EHD4: variants seen among roughly 807,000 people sequenced by gnomAD.
The protein encoded by EHD4 is EH domain-containing protein 4.
In EHD4, 37 loss-of-function variants were observed where a neutral mutation model predicts 51.0. That is an observed-to-expected ratio of 0.73 (90% CI 0.56 to 0.95). The LOEUF is 0.95. Among genes scored for constraint, EHD4 ranks in the 40% least tolerant of loss-of-function variants. The pLI, the probability that EHD4 is intolerant of heterozygous loss-of-function variation, is 0.00. For missense variants in EHD4, 632 were observed against 733.1 expected, an observed-to-expected ratio of 0.86 and a Z score of 1.59; for synonymous variants, 297 against 317.3, an observed-to-expected ratio of 0.94 and a Z score of 0.68.
At position 41,954,011 on chromosome 15, in the gene EHD4, A is replaced by G. The variant is rs946789016; in HGVS notation, c.237-71T>C. 15 of 1,524,490 alleles carry G rather than the reference A, an allele frequency of 9.8e-6. No homozygotes were observed. In the African/African-American group the frequency reaches 1.8e-4, roughly 19 times the overall value. The allele number at this position is 1,524,490 out of a possible 1,614,324, so 94.4% of individuals were successfully genotyped here. A position where few individuals can be genotyped will look rare whatever the true frequency, so the allele number is the denominator to read the frequency against. On this transcript the variant is annotated intron_variant, in intron 1 of 5. Transcript: ENST00000220325. The stretch of plus-strand genomic sequence containing the variant: ...GTAAGAGGCCAGAAAGCTGCCTGGG[A>G]TTACCAATTTTTTTACATAATCATT...
At chr15:41,957,255 AG>A (rs774243314) in intron 1 of EHD4, among the ~76,000 whole-genome samples, 1 of 152,152 alleles carries the variant, frequency 6.6e-6, no homozygotes, top group African/African-American at 2.4e-5. Context: ...GCTTGAGCCC[AG>A]GGAGGTTGAA....
intron 2 of EHD4, among the ~76,000 whole-genome samples, chr15:41,948,660 C>T (rs530462766): frequency 6.6e-6 from 1 of 152,270 alleles, no homozygotes; most frequent in South Asian, 2.1e-4. Context: ...GGAAGCCGCA[C>T]GTGCTTGGAC....
chr15:41,952,714 G>T (rs1363973373), intron 2 of EHD4, among the ~76,000 whole-genome samples: 2 of 152,154 alleles, frequency 1.3e-5, no homozygotes, highest in Non-Finnish European at 2.9e-5. Flanking sequence ...CGTAGGCTGG[G>T]TGTGGTGGCT....
chr15:41,968,946 C>T (rs1031527829), intron 1 of EHD4, among the ~76,000 whole-genome samples: 3 of 152,184 alleles, frequency 2.0e-5, no homozygotes, highest in Non-Finnish European at 4.4e-5. Context: ...TTCTCTATTT[C>T]GTTTGCATGC....
At chr15:41,969,314 A>C (rs768799921) in intron 1 of EHD4, among the ~76,000 whole-genome samples, 11 of 152,232 alleles carry the variant, frequency 7.2e-5, no homozygotes, top group Admixed American at 1.3e-4. Flanking sequence ...TGGGAGGCCA[A>C]GGCGGGCAAA....
At chr15:41,952,391 C>T (rs1336862639) in intron 2 of EHD4, among the ~76,000 whole-genome samples, 1 of 152,134 alleles carries the variant, frequency 6.6e-6, no homozygotes, top group African/African-American at 2.4e-5. Flanking sequence ...AAATCAGCCA[C>T]ACGAAAGCTA....
intron 1 of EHD4, among the ~76,000 whole-genome samples, chr15:41,963,191 A>G (rs1414221923): frequency 6.6e-6 from 1 of 152,008 alleles, no homozygotes; most frequent in African/African-American, 2.4e-5. Context: ...GGAAAACCAG[A>G]GACCCTTGTT....
At chr15:41,914,180 T>C (rs1448044641) in intron 4 of EHD4, among the ~76,000 whole-genome samples, 1 of 151,964 alleles carries the variant, frequency 6.6e-6, no homozygotes, top group Admixed American at 6.6e-5. Flanking sequence ...AAAAGCTTCA[T>C]GGAATGTGAG....
intron 2 of EHD4, among the ~76,000 whole-genome samples, chr15:41,944,092 G>A (rs1351217536): frequency 6.6e-6 from 1 of 152,206 alleles, no homozygotes; most frequent in East Asian, 1.9e-4. Context: ...CTAGCCTGTG[G>A]GTCAGCAGAC....
chr15:41,899,504 AG>A lies in EHD4; in HGVS notation c.*1140del, dbSNP rs2067461696. ...TCTGTATAAAGGCTTTTATCCTGTAAGGAAAAAAAAAAAACACAAAACCCTA... is the reference window on the plus strand; with the variant it reads ...TCTGTATAAAGGCTTTTATCCTGTAAGAAAAAAAAAAAACACAAAACCCTA... On this transcript the variant is annotated 3_prime_UTR_variant, in exon 6 of 6. Coordinates refer to ENST00000220325, the MANE Select transcript of EHD4 (RefSeq NM_139265.4). The A allele has an allele frequency of 1.3e-5, 2 of 151,052 alleles. No homozygotes were observed. The highest frequency in any genetic ancestry group is 2.9e-5 in the Non-Finnish European group (2 of 67,864). The allele number at this position is 151,052 out of a possible 1,614,324, so 9.4% of individuals were successfully genotyped here.
At chr15:41,962,131 G>A (rs986051486) in intron 1 of EHD4, among the ~76,000 whole-genome samples, 4 of 152,308 alleles carry the variant, frequency 2.6e-5, no homozygotes, top group East Asian at 1.9e-4. Context: ...GAAGGTCTGC[G>A]TTAAAGCAAT....
At chr15:41,918,899 C>T (rs1178088307) in intron 4 of EHD4, among the ~76,000 whole-genome samples, 1 of 152,232 alleles carries the variant, frequency 6.6e-6, no homozygotes, top group African/African-American at 2.4e-5. Flanking sequence ...ATTGATCCCC[C>T]TCCCTGTGCA....
intron 3 of EHD4, among the ~76,000 whole-genome samples, chr15:41,936,515 C>T (rs1359684151): frequency 1.3e-5 from 2 of 152,210 alleles, no homozygotes; most frequent in African/African-American, 4.8e-5. Flanking sequence ...ATCTCTGTAT[C>T]CCAATGTCTG....
At position 41,909,851 on chromosome 15, in the gene EHD4, T is replaced by C. The variant is rs746158680; in HGVS notation, c.937A>G (p.Ile313Val). ...ATCTCCTTCTTCAGGTAGCTGATGATGTAGGCATGCACCTGGAGGGGTATA... is the reference window on the plus strand; with the variant it reads ...ATCTCCTTCTTCAGGTAGCTGATGACGTAGGCATGCACCTGGAGGGGTATA... ...RARLAKVHAY[I>V]ISYLKKEMPS... Residue 313 changes from isoleucine (I) to valine (V), a missense_variant, in exon 5 of 6, where the codon ATC (isoleucine) becomes GTC (valine). Coordinates refer to ENST00000220325, the MANE Select transcript of EHD4 (RefSeq NM_139265.4). The C allele has an allele frequency of 7.4e-6, 12 of 1,614,220 alleles. No homozygotes were observed. Among genetic ancestry groups the C allele is most frequent in the Non-Finnish European group, 9.3e-6 (11 of 1,180,038 alleles).
intron 5 of EHD4, among the ~76,000 whole-genome samples, chr15:41,902,303 C>T (rs896536955): frequency 6.6e-6 from 1 of 152,030 alleles, no homozygotes; most frequent in Admixed American, 6.5e-5. Flanking sequence ...AACAACCCAC[C>T]TGTCCAACTA....
chr15:41,952,856 G>C (rs923393869), intron 2 of EHD4, among the ~76,000 whole-genome samples: 1 of 151,916 alleles, frequency 6.6e-6, no homozygotes, highest in Non-Finnish European at 1.5e-5. Context: ...TGGGTGTGGT[G>C]GTGGGTGCCT....
intron 3 of EHD4, among the ~76,000 whole-genome samples, chr15:41,931,693 T>C (rs1186823312): frequency 6.6e-6 from 1 of 151,898 alleles, no homozygotes; most frequent in Non-Finnish European, 1.5e-5. Context: ...TTTTTTTTTT[T>C]TGAGACGGAG....
intron 4 of EHD4, among the ~76,000 whole-genome samples, chr15:41,916,520 G>A (rs2067584523): frequency 6.6e-6 from 1 of 152,192 alleles, no homozygotes; most frequent in Non-Finnish European, 1.5e-5. Context: ...GTGTGAAAAA[G>A]GAAAACTGGA....
At chr15:41,963,036 G>C (rs559178493) in intron 1 of EHD4, among the ~76,000 whole-genome samples, 1 of 152,224 alleles carries the variant, frequency 6.6e-6, no homozygotes, top group South Asian at 2.1e-4. Context: ...GTCCACTCAG[G>C]GTTAAATGGA....
Sources: allele counts gnomAD v4.1 joint callset (sites outside exome capture counted in the v4.1 genomes callset), GRCh38; gene constraint gnomAD v4.1.1; transcripts MANE v1.5; gene names NCBI Gene and HGNC (gene_info 2026-07-23, HGNC 2026-07-21).